Variants in ADAMTS18 observed in about 807,000 individuals in gnomAD.
ADAMTS18 encodes the protein ADAM metallopeptidase with thrombospondin type 1 motif 18.
ADAMTS18 carries 157 observed loss-of-function variants against 165.9 expected under a neutral mutation model. The observed-to-expected ratio is 0.95, with a 90% CI of 0.83 to 1.08. The LOEUF (loss-of-function observed/expected upper bound fraction) is 1.08, where lower values mean the gene tolerates loss of function less well. Ranked by LOEUF, ADAMTS18 falls within the 50% of genes least tolerant of loss-of-function variation. The probability of loss-of-function intolerance (pLI) is 0.00; values close to 1 mark genes in which losing one functional copy is unlikely to be tolerated. For missense variants in ADAMTS18, 2,040 were observed against 1,534.0 expected, an observed-to-expected ratio of 1.33 and a Z score of -5.51; for synonymous variants, 782 against 578.2, an observed-to-expected ratio of 1.35 and a Z score of -5.06.
At chr16:77,426,739 G>C (rs1053362706) in intron 3 of ADAMTS18, among the ~76,000 whole-genome samples, 2 of 152,190 alleles carry the variant, frequency 1.3e-5, no homozygotes, top group African/African-American at 4.8e-5. Context: ...AAAAAGGATA[G>C]GGTGGGGTGT....
In ADAMTS18 at chr16:77,283,787, A is replaced by C. The variant is rs2055194084; in HGVS notation, c.*169T>G. The stretch of plus-strand genomic sequence containing the variant: ...GAGTACCACGTGCTTCAGGGAATTG[A>C]GCTAGAAGCCTACTGGCAACCTGTC... On this transcript the variant is annotated 3_prime_UTR_variant, in exon 23 of 23. Transcript: ENST00000282849. The C allele has an allele frequency of 1.6e-6, 1 of 617,968 alleles. No individual in the cohort carries two copies. The highest frequency in any genetic ancestry group is 2.8e-5 in the Admixed American group (1 of 35,462). The allele number at this position is 617,968 out of a possible 1,614,324, so 38.3% of individuals were successfully genotyped here. A position where few individuals can be genotyped will look rare whatever the true frequency, so the allele number is the denominator to read the frequency against.
At chr16:77,290,183 T>C (rs1286038232) in intron 21 of ADAMTS18, among the ~76,000 whole-genome samples, 2 of 152,170 alleles carry the variant, frequency 1.3e-5, no homozygotes, top group African/African-American at 4.8e-5. Flanking sequence ...ACTAGGAGTT[T>C]GTAAACTTTT....
chr16:77,313,213 A>G (rs757772148), intron 16 of ADAMTS18, among the ~76,000 whole-genome samples: 1 of 151,982 alleles, frequency 6.6e-6, no homozygotes, highest in Non-Finnish European at 1.5e-5. Flanking sequence ...CAAACACCAC[A>G]TGTTCTCACT....
chr16:77,423,851 A>G (rs2057635987), intron 3 of ADAMTS18, among the ~76,000 whole-genome samples: 1 of 152,172 alleles, frequency 6.6e-6, no homozygotes, highest in Non-Finnish European at 1.5e-5. Flanking sequence ...CTGTTCTGAC[A>G]GGGTTGAACT....
At position 77,434,844 on chromosome 16, in the gene ADAMTS18, C is replaced by G. The variant is rs1055110580; in HGVS notation, c.-149G>C. ...CGCCGTTCACATCGCAGCGGGGGCGCGCTGGGACCTCCCCTCCTCCGGCCG... is the reference window on the plus strand; with the variant it reads ...CGCCGTTCACATCGCAGCGGGGGCGGGCTGGGACCTCCCCTCCTCCGGCCG... On this transcript the variant is annotated 5_prime_UTR_variant, in exon 1 of 23. Transcript: ENST00000282849. The G allele has an allele frequency of 5.1e-6, 3 of 584,592 alleles. No homozygotes were observed. In the African/African-American group the frequency reaches 5.9e-5, roughly 12 times the overall value. The allele number at this position is 584,592 out of a possible 1,614,324, so 36.2% of individuals were successfully genotyped here.
chr16:77,357,983 G>A (rs964282027), intron 8 of ADAMTS18, among the ~76,000 whole-genome samples: 1 of 152,192 alleles, frequency 6.6e-6, no homozygotes, highest in African/African-American at 2.4e-5. Context: ...TCAATGACCA[G>A]TATTTTGAAA....
chr16:77,344,072 T>C (rs1312504048), intron 10 of ADAMTS18, among the ~76,000 whole-genome samples: 1 of 150,124 alleles, frequency 6.7e-6, no homozygotes, highest in Non-Finnish European at 1.5e-5. Context: ...AAAAAAAGCT[T>C]TCCATGGGAC....
chr16:77,376,203 G>T (rs1019071581), intron 3 of ADAMTS18, among the ~76,000 whole-genome samples: 1 of 152,010 alleles, frequency 6.6e-6, no homozygotes, highest in African/African-American at 2.4e-5. Context: ...GCACCCGGCC[G>T]CAGACACATC....
At chr16:77,321,355 T>G (rs1351358138) in intron 14 of ADAMTS18, among the ~76,000 whole-genome samples, 153 bp from the exon 15 acceptor site, 1 of 152,212 alleles carries the variant, frequency 6.6e-6, no homozygotes, top group Non-Finnish European at 1.5e-5. Context: ...TGGACTCACT[T>G]GGGGTTCAAA....
At chr16:77,410,069 C>T (rs556450594) in intron 3 of ADAMTS18, among the ~76,000 whole-genome samples, 1 of 152,010 alleles carries the variant, frequency 6.6e-6, no homozygotes, top group South Asian at 2.1e-4. Context: ...TGACTAAAAG[C>T]CATGGCTAAG....
chr16:77,332,376 G>A (rs963681954), intron 12 of ADAMTS18, among the ~76,000 whole-genome samples: 1 of 152,128 alleles, frequency 6.6e-6, no homozygotes, highest in African/African-American at 2.4e-5. Context: ...TCCTCCTGGT[G>A]AGCTTGGGAT....
intron 3 of ADAMTS18, among the ~76,000 whole-genome samples, chr16:77,407,848 GA>G (rs1374437746): frequency 6.6e-6 from 1 of 152,002 alleles, no homozygotes; most frequent in Non-Finnish European, 1.5e-5. Flanking sequence ...TTTTACATTG[GA>G]AAATATTTTC....
chr16:77,298,433 T>C (rs1265618633), intron 17 of ADAMTS18, among the ~76,000 whole-genome samples: 1 of 152,202 alleles, frequency 6.6e-6, no homozygotes, highest in Non-Finnish European at 1.5e-5. Flanking sequence ...ACTCCTGCTA[T>C]AATGATTAGC....
At chr16:77,333,381 G>A (rs1458781367) in intron 12 of ADAMTS18, among the ~76,000 whole-genome samples, 1 of 151,630 alleles carries the variant, frequency 6.6e-6, no homozygotes, top group African/African-American at 2.4e-5. Context: ...TAGATGATGG[G>A]TTGATAGGTG....
chr16:77,400,827 C>G (rs1255818712), intron 3 of ADAMTS18, among the ~76,000 whole-genome samples: 1 of 151,906 alleles, frequency 6.6e-6, no homozygotes, highest in Non-Finnish European at 1.5e-5. Flanking sequence ...TCAGAAGAAT[C>G]CTCTAGAAAG....
At chr16:77,343,546 A>C (rs183906018) in intron 10 of ADAMTS18, among the ~76,000 whole-genome samples, 1 of 152,324 alleles carries the variant, frequency 6.6e-6, no homozygotes, top group East Asian at 1.9e-4. Flanking sequence ...TTAGCTGAAA[A>C]AACTGAGCAA....
In ADAMTS18 at chr16:77,361,306, G is replaced by T. The variant is rs556798646; in HGVS notation, c.1216+799C>A. On this transcript the variant is annotated intron_variant, in intron 7 of 22. Transcript: ENST00000282849. The stretch of plus-strand genomic sequence containing the variant: ...CATCCATCAACTTTTAAAAAATGTT[G>T]AATTCCTATTATGTGCAATGGAATA... Among the ~76,000 whole-genome samples the T allele has an allele frequency of 3.3e-5, 5 of 152,146 alleles. No homozygotes were observed. The East Asian group carries it at 9.7e-4, about 29-fold the overall frequency.
chr16:77,370,968 C>T (rs2056867895), intron 3 of ADAMTS18, among the ~76,000 whole-genome samples: 1 of 152,094 alleles, frequency 6.6e-6, no homozygotes, highest in Non-Finnish European at 1.5e-5. Flanking sequence ...TTATACAAGG[C>T]TGGATGCAGT....
At chr16:77,426,807 G>A (rs2057678801) in intron 3 of ADAMTS18, among the ~76,000 whole-genome samples, 1 of 152,138 alleles carries the variant, frequency 6.6e-6, no homozygotes, top group African/African-American at 2.4e-5. Context: ...AAGATTGCTT[G>A]AGCCCAGAAA....
Sources: allele counts gnomAD v4.1 joint callset (sites outside exome capture counted in the v4.1 genomes callset), GRCh38; gene constraint gnomAD v4.1.1; transcripts MANE v1.5; gene names NCBI Gene and HGNC (gene_info 2026-07-23, HGNC 2026-07-21).